Variants in GALNTL6 observed in about 807,000 individuals in gnomAD.
The protein encoded by GALNTL6 is polypeptide N-acetylgalactosaminyltransferase like 6.
A neutral mutation model predicts 73.7 loss-of-function variants in GALNTL6; 46 were observed. The ratio of observed to expected loss-of-function variants is 0.62; its 90% CI spans 0.49 to 0.80. The LOEUF (loss-of-function observed/expected upper bound fraction) is 0.80. Ranked by LOEUF, GALNTL6 falls within the 30% of genes least tolerant of loss-of-function variation. The pLI is 0.00. For synonymous variants in GALNTL6, 259 were observed against 263.7 expected (o/e 0.98, Z 0.17); for missense variants, 604 against 755.0 (o/e 0.80, Z 2.34).
intron 10 of GALNTL6, among the ~76,000 whole-genome samples, chr4:172,994,495 T>C (rs557495720): frequency 6.6e-6 from 1 of 152,312 alleles, no homozygotes; most frequent in African/African-American, 2.4e-5. Context: ...CAGAGAAATA[T>C]TTCAGGGAAG....
At chr4:172,009,301 A>G (rs1740932284) in intron 2 of GALNTL6, among the ~76,000 whole-genome samples, 1 of 152,062 alleles carries the variant, frequency 6.6e-6, no homozygotes, top group South Asian at 2.1e-4. Flanking sequence ...TTATGCTCCT[A>G]TGACTACTTT....
At chr4:172,705,901 A>G (rs1030139808) in intron 5 of GALNTL6, among the ~76,000 whole-genome samples, 3 of 151,690 alleles carry the variant, frequency 2.0e-5, no homozygotes, top group African/African-American at 7.3e-5. Context: ...AGGATCCTCT[A>G]TTTGTCCTTG....
chr4:172,989,504 A>T, intron 10 of GALNTL6, among the ~76,000 whole-genome samples: 1 of 152,126 alleles, frequency 6.6e-6, no homozygotes, highest in Non-Finnish European at 1.5e-5. Flanking sequence ...TCCCCACCCA[A>T]ATCTCATGTC....
intron 5 of GALNTL6, among the ~76,000 whole-genome samples, chr4:172,392,851 G>T (rs1209468812): frequency 2.6e-5 from 4 of 152,098 alleles, no homozygotes; most frequent in African/African-American, 9.7e-5. Context: ...TTTATCAGGG[G>T]TCCACAACTC....
At chr4:172,903,141 A>G (rs1200874908) in intron 8 of GALNTL6, among the ~76,000 whole-genome samples, 1 of 143,946 alleles carries the variant, frequency 6.9e-6, no homozygotes, top group Non-Finnish European at 1.5e-5. Context: ...CTAAAAGTTC[A>G]CACAAATCAA....
intron 5 of GALNTL6, among the ~76,000 whole-genome samples, chr4:172,707,755 G>A (rs1734445491): frequency 6.6e-6 from 1 of 151,778 alleles, no homozygotes; most frequent in Non-Finnish European, 1.5e-5. Flanking sequence ...AACAAGCAGA[G>A]TAATTAGAAA....
intron 5 of GALNTL6, among the ~76,000 whole-genome samples, chr4:172,753,622 A>G (rs942446175): frequency 6.6e-6 from 1 of 152,216 alleles, no homozygotes; most frequent in African/African-American, 2.4e-5. Flanking sequence ...GAAACAGAAA[A>G]AAAAATGTGC....
At chr4:172,098,007 G>T (rs1458917106) in intron 2 of GALNTL6, among the ~76,000 whole-genome samples, 5 of 151,992 alleles carry the variant, frequency 3.3e-5, no homozygotes, top group African/African-American at 1.2e-4. Flanking sequence ...AAAGGAAATG[G>T]ACATGACAGT....
chr4:172,240,558 T>A (rs1475561229), intron 3 of GALNTL6, among the ~76,000 whole-genome samples: 8 of 152,166 alleles, frequency 5.3e-5, no homozygotes, highest in East Asian at 1.9e-4. Context: ...ATTCATTTTT[T>A]AATTTACTTT....
At chr4:172,733,572 G>T (rs2111396102) in intron 5 of GALNTL6, among the ~76,000 whole-genome samples, 1 of 152,244 alleles carries the variant, frequency 6.6e-6, no homozygotes, top group South Asian at 2.1e-4. Context: ...GGAGGTAATT[G>T]AATCATGAGG....
rs78455393 is a variant in GALNTL6, at chr4:171,863,220, A to G, written c.138+48502A>G. 7.8e-3 allele frequency among the ~76,000 whole-genome samples: 1,191 copies of G among 152,304 alleles called. 22 individuals carry two copies. The highest frequency in any genetic ancestry group is 0.027 in the African/African-American group (1,133 of 41,574). ...CCTAGAATTAAAAATGGTGATAAATATGGAGGATTCTCTTTTATTTCACTT... is the reference window on the plus strand; with the variant it reads ...CCTAGAATTAAAAATGGTGATAAATGTGGAGGATTCTCTTTTATTTCACTT... On this transcript the variant is annotated intron_variant, in intron 2 of 12. Coordinates refer to ENST00000506823, the MANE Select transcript of GALNTL6 (RefSeq NM_001034845.3).
intron 5 of GALNTL6, among the ~76,000 whole-genome samples, chr4:172,791,246 G>A (rs1579487175): frequency 6.6e-6 from 1 of 152,186 alleles, no homozygotes; most frequent in Admixed American, 6.5e-5. Context: ...ACAAGATGTG[G>A]GTTTGAGAAT....
chr4:172,749,912 T>C (rs1540465), intron 5 of GALNTL6, among the ~76,000 whole-genome samples: 145,883 of 152,118 alleles, frequency 0.96, 70,237 homozygotes, highest in East Asian at 1. Flanking sequence ...GTGAATAAGG[T>C]CTAGCTTTTT....
chr4:172,969,242 C>T (rs1487663998), intron 10 of GALNTL6, among the ~76,000 whole-genome samples: 3 of 151,768 alleles, frequency 2.0e-5, no homozygotes, highest in African/African-American at 7.3e-5. Flanking sequence ...AATAAGAGAC[C>T]ATGGAAGGCA....
intron 7 of GALNTL6, among the ~76,000 whole-genome samples, chr4:172,857,961 A>G (rs904549263): frequency 7.9e-5 from 12 of 152,158 alleles, no homozygotes; most frequent in African/African-American, 2.9e-4. Context: ...AAAATACCTT[A>G]AACATGGAGT....
chr4:172,843,885 C>G (rs891810453), intron 7 of GALNTL6, among the ~76,000 whole-genome samples: 4 of 152,026 alleles, frequency 2.6e-5, no homozygotes, highest in Admixed American at 6.5e-5. Context: ...ATAGTGAGAC[C>G]ATGTCTCTAC....
intron 2 of GALNTL6, among the ~76,000 whole-genome samples, chr4:172,193,217 GT>G (rs950564057): frequency 2.0e-5 from 3 of 152,204 alleles, no homozygotes; most frequent in African/African-American, 7.2e-5. Context: ...TCCTGACTGG[GT>G]GAGACCCCCC....
At chr4:171,890,707 T>C (rs1308195708) in intron 2 of GALNTL6, among the ~76,000 whole-genome samples, 3 of 152,182 alleles carry the variant, frequency 2.0e-5, no homozygotes, top group Non-Finnish European at 4.4e-5. Flanking sequence ...CTTTTTATTA[T>C]CACCCTTGTA....
intron 5 of GALNTL6, among the ~76,000 whole-genome samples, chr4:172,423,907 T>C (rs995511699): frequency 8.5e-5 from 13 of 152,096 alleles, no homozygotes; most frequent in Non-Finnish European, 1.5e-5. Context: ...GTAAGCAAGA[T>C]ACTCTATATC....
Sources: gnomAD v4.1 joint callset for allele counts (sites outside exome capture counted in the v4.1 genomes callset) on GRCh38, gnomAD v4.1.1 for gene constraint, MANE v1.5 for transcripts, NCBI Gene and HGNC (gene_info 2026-07-23, HGNC 2026-07-21) for gene names.